The following KCNC1 variants were observed in gnomAD, a reference collection of about 807,000 sequenced individuals.
The protein encoded by KCNC1 is potassium voltage-gated channel subfamily C member 1, also known as voltage-gated potassium channel KCNC1.
KCNC1 carries 8 observed loss-of-function variants against 43.4 expected under a neutral mutation model. The ratio of observed to expected loss-of-function variants is 0.18; its 90% confidence interval spans 0.11 to 0.33. The LOEUF (loss-of-function observed/expected upper bound fraction) is 0.33. Ranked by LOEUF, KCNC1 falls within the 10% of genes least tolerant of loss-of-function variation. The pLI, the probability that KCNC1 is intolerant of heterozygous loss-of-function variation, is 1.00. For synonymous variants in KCNC1, 361 were observed against 360.5 expected, an observed-to-expected ratio of 1.00 and a Z score of -0.01; for missense variants, 420 against 836.0, an observed-to-expected ratio of 0.50 and a Z score of 6.14.
At chr11:17,749,508 C>T (rs780385263) in intron 1 of KCNC1, among the ~76,000 whole-genome samples, 1 of 152,214 alleles carries the variant, frequency 6.6e-6, no homozygotes, top group African/African-American at 2.4e-5. Flanking sequence ...CTTCCGTGGG[C>T]CTCATCACCA....
intron 1 of KCNC1, among the ~76,000 whole-genome samples, chr11:17,760,752 C>T (rs1222472233): frequency 2.0e-5 from 3 of 152,332 alleles, no homozygotes; most frequent in African/African-American, 7.2e-5. Flanking sequence ...GTCCGTTGTT[C>T]CCGAGGACAG....
intron 1 of KCNC1, among the ~76,000 whole-genome samples, chr11:17,763,723 C>T (rs1240301576): frequency 3.8e-4 from 51 of 134,470 alleles, no homozygotes; most frequent in Non-Finnish European, 5.8e-4. Flanking sequence ...CCCCCACACA[C>T]CTCCCCACAC....
chr11:17,762,294 A>C (rs1006039265), intron 1 of KCNC1, among the ~76,000 whole-genome samples: 1 of 152,198 alleles, frequency 6.6e-6, no homozygotes, highest in African/African-American at 2.4e-5. Context: ...TTCCCGTTCC[A>C]TGACTAGAAG....
chr11:17,746,269 G>A (rs986699873), intron 1 of KCNC1, among the ~76,000 whole-genome samples: 1 of 152,206 alleles, frequency 6.6e-6, no homozygotes, highest in Non-Finnish European at 1.5e-5. Context: ...ACCTGCTGGT[G>A]TCACCACCCA....
chr11:17,756,693 T>A (rs77022432), intron 1 of KCNC1, among the ~76,000 whole-genome samples: 1,773 of 152,236 alleles, frequency 0.012, 39 homozygotes, highest in African/African-American at 0.04. Flanking sequence ...AGTTTTCTCA[T>A]CTACCAAATG....
At chr11:17,741,891 A>G (rs562443813) in intron 1 of KCNC1, among the ~76,000 whole-genome samples, 8 of 152,210 alleles carry the variant, frequency 5.3e-5, no homozygotes, top group African/African-American at 1.9e-4. Flanking sequence ...CCCCACCTCA[A>G]ACAGCAGCTC....
chr11:17,775,844 C>T (rs1849280139), intron 2 of KCNC1: 2 of 985,480 alleles, frequency 2.0e-6, no homozygotes, highest in Non-Finnish European at 2.4e-6. Flanking sequence ...TCAGAGAAGC[C>T]CCCGCCTGGG....
At chr11:17,749,493 C>T (rs1464896671) in intron 1 of KCNC1, among the ~76,000 whole-genome samples, 2 of 152,238 alleles carry the variant, frequency 1.3e-5, no homozygotes, top group Non-Finnish European at 2.9e-5. Flanking sequence ...GGCAGAAGAA[C>T]ATGACTTCCG....
In KCNC1 at chr11:17,779,177, C is replaced by A. The variant is rs543551707; in HGVS notation, c.1505-279C>A. On this transcript the variant is annotated intron_variant, in intron 2 of 3. Transcript: ENST00000265969. This position sits in a 1 kb window ranked among gnomAD's most constrained non-coding sequence, Gnocchi z 7.2. ...CCCGGGGCCGGCCCCCAGCACCACA[C>A]CTGCTGGATCCATCACCAACTCATC... 3 of 352,822 alleles carry A rather than the reference C, an allele frequency of 8.5e-6. No homozygotes were observed. The South Asian group carries it at 1.9e-4, about 23-fold the overall frequency. The allele number at this position is 352,822 out of a possible 1,614,324, so 21.9% of individuals were successfully genotyped here.
chr11:17,736,689 T>G lies in KCNC1; in HGVS notation c.570+117T>G, dbSNP rs1590089245. On this transcript the variant is annotated intron_variant, in intron 1 of 3. Transcript: ENST00000265969. The surrounding 1 kb of genome is among the most constrained non-coding windows in gnomAD (Gnocchi z 9.3). ...TAGGGAGTTCAGAATCGAAAGGGGG[T>G]GTGTGCGCATGTGTGCACGTACCAG... The G allele has an allele frequency of 7.1e-7, 1 of 1,411,836 alleles. No homozygotes were observed. Among genetic ancestry groups the G allele is most frequent in the East Asian group, 2.5e-5 (1 of 39,514 alleles). The allele number at this position is 1,411,836 out of a possible 1,614,324, so 87.5% of individuals were successfully genotyped here.
Position 17,776,016 on chromosome 11 carries a change from G to A in KCNC1, c.1504+3418G>A, listed in dbSNP as rs1013207034. 3 of 985,230 alleles carry A rather than the reference G, an allele frequency of 3.0e-6. No individual in the cohort carries two copies. The highest frequency in any genetic ancestry group is 3.5e-5 in the African/African-American group (2 of 57,190). The allele number at this position is 985,230 out of a possible 1,614,324, so 61.0% of individuals were successfully genotyped here. A position where few individuals can be genotyped will look rare whatever the true frequency, so the allele number is the denominator to read the frequency against. On this transcript the variant is annotated intron_variant, in intron 2 of 3. Transcript: ENST00000265969. This position sits in a 1 kb window ranked among gnomAD's most constrained non-coding sequence, Gnocchi z 4.4. ...GGGAGCTGGGCAGCGCTGACTAGGC[G>A]GCGGGTGGGGCTAAGAGAGTTTCTG...
At chr11:17,756,015 C>G (rs544601039) in intron 1 of KCNC1, among the ~76,000 whole-genome samples, 2 of 152,244 alleles carry the variant, frequency 1.3e-5, no homozygotes, top group East Asian at 3.9e-4. Context: ...AATCCAGAGG[C>G]TATGCGGTCC....
At chr11:17,765,668 G>C (rs545015835) in intron 1 of KCNC1, 3 of 152,220 alleles carry the variant, frequency 2.0e-5, no homozygotes, top group Middle Eastern at 3.2e-3. Context: ...GGTTTATGCC[G>C]CATTGTCAGA....
intron 2 of KCNC1, chr11:17,775,437 GA>G (rs1279696573): frequency 2.0e-6 from 2 of 985,454 alleles, no homozygotes; most frequent in African/African-American, 3.5e-5. Flanking sequence ...CTCAGTGTCT[GA>G]GGGCTTGTCC....
Position 17,779,760 on chromosome 11 carries a change from G to T in KCNC1, c.1693+116G>T. The T allele has an allele frequency of 1.2e-6, 1 of 829,436 alleles. No individual in the cohort carries two copies. Among genetic ancestry groups the T allele is most frequent in the Non-Finnish European group, 1.7e-6 (1 of 572,728 alleles). The allele number at this position is 829,436 out of a possible 1,614,324, so 51.4% of individuals were successfully genotyped here. On this transcript the variant is annotated intron_variant, in intron 3 of 3. Coordinates refer to ENST00000265969, the MANE Select transcript of KCNC1 (RefSeq NM_001112741.2). This position sits in a 1 kb window ranked among gnomAD's most constrained non-coding sequence, Gnocchi z 7.2. ...GGGGCAGGCAGGCACACCGAGGGGGGCAAGGATGGAGGGAATCTCCCAGGG... is the reference window on the plus strand; with the variant it reads ...GGGGCAGGCAGGCACACCGAGGGGGTCAAGGATGGAGGGAATCTCCCAGGG...
At chr11:17,762,895 G>A (rs1430273410) in intron 1 of KCNC1, among the ~76,000 whole-genome samples, 2 of 152,154 alleles carry the variant, frequency 1.3e-5, no homozygotes, top group African/African-American at 4.8e-5. Flanking sequence ...GTCTTCTAAT[G>A]ACCAGGTTTC....
chr11:17,775,108 A>T (rs1018753515), intron 2 of KCNC1: 11 of 985,410 alleles, frequency 1.1e-5, no homozygotes, highest in Non-Finnish European at 1.3e-5. Context: ...AAGGAAGGTA[A>T]ATGTGGTGGC....
chr11:17,774,358 G>GC, intron 2 of KCNC1: 1 of 985,556 alleles, frequency 1.0e-6, no homozygotes, highest in Non-Finnish European at 1.2e-6. Flanking sequence ...GCACTACCTG[G>GC]CCCTTCCCCT....
In KCNC1 at chr11:17,742,996, C is replaced by G. The variant is rs373093472; in HGVS notation, c.570+6424C>G. 1.3e-5 allele frequency among the ~76,000 whole-genome samples: 2 copies of G among 152,192 alleles called. No individual in the cohort carries two copies. The highest frequency in any genetic ancestry group is 1.9e-4 in the East Asian group (1 of 5,196). On this transcript the variant is annotated intron_variant, in intron 1 of 3. Transcript: ENST00000265969. This position sits in a 1 kb window ranked among gnomAD's most constrained non-coding sequence, Gnocchi z 4.2. ...TTGAGACCTTCTCACGTCAGCCAAC[C>G]CAGACTTGACCCAAATCCTTAGGAT...
Sources: gnomAD v4.1 joint callset for allele counts (sites outside exome capture counted in the v4.1 genomes callset) on GRCh38, gnomAD v4.1.1 for gene constraint, Gnocchi (gnomAD v3.1) non-coding constraint, MANE v1.5 for transcripts, NCBI Gene and HGNC (gene_info 2026-07-23, HGNC 2026-07-21) for gene names.